The following RGS21 variants were observed in gnomAD, a reference collection of about 807,000 sequenced individuals.
RGS21 encodes the protein regulator of G protein signaling 21.
Under a neutral mutation model 18.7 loss-of-function variants are expected in RGS21, and 19 were observed. That is an observed-to-expected ratio of 1.01 (90% CI 0.71 to 1.49). The LOEUF (loss-of-function observed/expected upper bound fraction) is 1.49. Among genes scored for constraint, RGS21 ranks in the 40% most tolerant of loss-of-function variants. The pLI, the probability that RGS21 is intolerant of heterozygous loss-of-function variation, is 0.00. For missense variants in RGS21, 194 were observed against 176.8 expected (o/e 1.10, Z -0.55); for synonymous variants, 56 against 57.8 (o/e 0.97, Z 0.14).
chr1:192,330,005 T>C (rs1243075616), intron 1 of RGS21, among the ~76,000 whole-genome samples: 1 of 152,150 alleles, frequency 6.6e-6, no homozygotes, highest in Non-Finnish European at 1.5e-5. Flanking sequence ...AAACATTTTA[T>C]ATTTCTACGT....
chr1:192,356,080 G>C (rs1276232813), intron 4 of RGS21, among the ~76,000 whole-genome samples: 1 of 151,794 alleles, frequency 6.6e-6, no homozygotes, highest in South Asian at 2.1e-4. Flanking sequence ...TCTACCAAAT[G>C]TGAGGACACT....
At chr1:192,320,772 C>A (rs375458487) in intron 1 of RGS21, among the ~76,000 whole-genome samples, 1 of 151,858 alleles carries the variant, frequency 6.6e-6, no homozygotes, top group Non-Finnish European at 1.5e-5. Flanking sequence ...AGAAACAAAG[C>A]AAATTTAGAA....
At chr1:192,340,984 T>C (rs115614827) in intron 1 of RGS21, among the ~76,000 whole-genome samples, 295 of 152,142 alleles carry the variant, frequency 1.9e-3, no homozygotes, top group African/African-American at 5.9e-3. Context: ...AGGCAAACCA[T>C]ATCAGGACCA....
At chr1:192,324,621 A>G (rs1485655396) in intron 1 of RGS21, among the ~76,000 whole-genome samples, 2 of 150,958 alleles carry the variant, frequency 1.3e-5, no homozygotes, top group Admixed American at 6.6e-5. Flanking sequence ...GTGCACACAC[A>G]CACACATAAT....
In RGS21 at chr1:192,343,064, A is replaced by T. The variant is rs757922548; in HGVS notation, c.11+17A>T. ...GCCAGTGAAGTGAGTTGCCGTTTCCAGCTATTTTTATCTCAGAAGATGTAC... is the reference window on the plus strand; with the variant it reads ...GCCAGTGAAGTGAGTTGCCGTTTCCTGCTATTTTTATCTCAGAAGATGTAC... On this transcript the variant is annotated intron_variant, in intron 2 of 4. Coordinates refer to ENST00000417209, the MANE Select transcript of RGS21 (RefSeq NM_001039152.3). 5 of 1,611,488 alleles carry T rather than the reference A, an allele frequency of 3.1e-6. No homozygotes were observed. In the Admixed American group the frequency reaches 8.3e-5, roughly 27 times the overall value.
intron 1 of RGS21, among the ~76,000 whole-genome samples, chr1:192,335,458 T>C (rs1239975272): frequency 2.0e-5 from 3 of 152,180 alleles, no homozygotes; most frequent in Non-Finnish European, 4.4e-5. Context: ...ATTTTTTGAG[T>C]GTGTTCCTTA....
chr1:192,365,991 A>G lies in RGS21; in HGVS notation c.326A>G (p.Asp109Gly), dbSNP rs763393059. ...NIAEPTLKCF[D>G]EAQKLIYCLM... is the part of the protein sequence containing the mutation. ...GCTGAACCAACACTCAAATGCTTTG[A>G]TGAGGCTCAGAAATTAATCTATTGT... The change falls in exon 5 of 5, where the codon GAT becomes GGT. Residue 109 changes from aspartate (D) to glycine (G), a missense_variant. Asp to Gly is a moderately conservative substitution (Grantham distance 94). Transcript: ENST00000417209. 2 of 1,610,304 alleles carry G rather than the reference A, an allele frequency of 1.2e-6. No individual in the cohort carries two copies. The highest frequency in any genetic ancestry group is 1.7e-6 in the Non-Finnish European group (2 of 1,176,934).
chr1:192,349,637 G>A (rs1269995221), intron 3 of RGS21, among the ~76,000 whole-genome samples: 1 of 152,114 alleles, frequency 6.6e-6, no homozygotes, highest in Non-Finnish European at 1.5e-5. Context: ...GTATGTATAG[G>A]AGAGTAAATC....
chr1:192,350,429 C>G (rs1476459881), intron 3 of RGS21, among the ~76,000 whole-genome samples: 1 of 152,096 alleles, frequency 6.6e-6, no homozygotes, highest in African/African-American at 2.4e-5. Flanking sequence ...TTATTGTTTT[C>G]TATTTCTGTA....
At position 192,349,575 on chromosome 1, in the gene RGS21, T is replaced by G. The variant is rs568169209; in HGVS notation, c.88+2186T>G. On this transcript the variant is annotated intron_variant, in intron 3 of 4. Coordinates refer to ENST00000417209, the MANE Select transcript of RGS21 (RefSeq NM_001039152.3). ...GTGCCCTCAGATAATAAGTTTAATTTTATGTAGCATATTACTTTAAAATCA... is the reference window on the plus strand; with the variant it reads ...GTGCCCTCAGATAATAAGTTTAATTGTATGTAGCATATTACTTTAAAATCA... Among the ~76,000 whole-genome samples, 110 of 152,268 alleles carry G rather than the reference T, an allele frequency of 7.2e-4. 2 individuals are homozygous for G. Among genetic ancestry groups the G allele is most frequent in the African/African-American group, 2.5e-3 (103 of 41,570 alleles).
intron 3 of RGS21, among the ~76,000 whole-genome samples, chr1:192,348,965 T>C (rs1658995240): frequency 2.6e-5 from 1 of 38,652 alleles, no homozygotes; most frequent in Admixed American, 1.7e-4. Flanking sequence ...TAATTAGAAA[T>C]AATTAGAAAG....
At chr1:192,320,410 G>A (rs977895766) in intron 1 of RGS21, among the ~76,000 whole-genome samples, 6 of 152,148 alleles carry the variant, frequency 3.9e-5, no homozygotes, top group Admixed American at 3.3e-4. Context: ...TCACAAATGT[G>A]GCATGGGAGG....
intron 1 of RGS21, among the ~76,000 whole-genome samples, chr1:192,324,929 ACT>A (rs1418819408): frequency 6.6e-6 from 1 of 151,986 alleles, no homozygotes. Context: ...GAAAGGTGAG[ACT>A]CTATAAGCTA....
chr1:192,333,410 A>G (rs1211421639), intron 1 of RGS21, among the ~76,000 whole-genome samples: 2 of 152,156 alleles, frequency 1.3e-5, no homozygotes, highest in East Asian at 3.9e-4. Context: ...TGTGTCATAG[A>G]TCAAAACCCC....
Position 192,366,230 on chromosome 1 carries a change from T to G in RGS21, c.*106T>G, listed in dbSNP as rs1317015790. On this transcript the variant is annotated 3_prime_UTR_variant, in exon 5 of 5. Transcript: ENST00000417209. ...TTGTTTTTAGGATTTAGAAAACATT[T>G]TTTACCCAAACAGATGAATAACGTT... The G allele has an allele frequency of 2.8e-6, 2 of 714,810 alleles. No homozygotes were observed. The highest frequency in any genetic ancestry group is 3.6e-5 in the African/African-American group (2 of 55,202). The allele number at this position is 714,810 out of a possible 1,614,324, so 44.3% of individuals were successfully genotyped here.
chr1:192,326,874 A>C (rs1236155252), intron 1 of RGS21, among the ~76,000 whole-genome samples: 1 of 152,180 alleles, frequency 6.6e-6, no homozygotes, highest in African/African-American at 2.4e-5. Context: ...TAATGTACAG[A>C]TCTGCATAAT....
chr1:192,336,729 C>G (rs1658772780), intron 1 of RGS21, among the ~76,000 whole-genome samples: 1 of 151,574 alleles, frequency 6.6e-6, no homozygotes, highest in African/African-American at 2.4e-5. Flanking sequence ...TTTTAATTGC[C>G]ATTTTTCCTT....
intron 4 of RGS21, among the ~76,000 whole-genome samples, chr1:192,359,506 A>G (rs1005680458): frequency 9.2e-5 from 14 of 151,980 alleles, no homozygotes; most frequent in African/African-American, 3.4e-4. Flanking sequence ...GTATCCAAGT[A>G]TCTTCTGGTA....
At chr1:192,356,982 A>G (rs1406040360) in intron 4 of RGS21, among the ~76,000 whole-genome samples, 1 of 151,842 alleles carries the variant, frequency 6.6e-6, no homozygotes, top group African/African-American at 2.4e-5. Flanking sequence ...AGAAAAAGAC[A>G]GTCATGGTCC....
Sources: gnomAD v4.1 joint callset for allele counts (sites outside exome capture counted in the v4.1 genomes callset) on GRCh38, gnomAD v4.1.1 for gene constraint, MANE v1.5 for transcripts, NCBI Gene and HGNC (gene_info 2026-07-23, HGNC 2026-07-21) for gene names.